ACOT7: variants seen among roughly 807,000 people sequenced by gnomAD.
ACOT7 encodes the protein cytosolic acyl coenzyme A thioester hydrolase.
ACOT7 carries 12 observed loss-of-function variants against 40.2 expected under a neutral mutation model. The ratio of observed to expected loss-of-function variants is 0.30; its 90% CI spans 0.19 to 0.48. The LOEUF is 0.48. Among genes scored for constraint, ACOT7 ranks in the 20% least tolerant of loss-of-function variants. The probability of loss-of-function intolerance (pLI) is 0.99; values close to 1 mark genes in which losing one functional copy is unlikely to be tolerated. For synonymous variants in ACOT7, 228 were observed against 219.5 expected (o/e 1.04, Z -0.34); for missense variants, 395 against 530.8 (o/e 0.74, Z 2.51).
chr1:6,295,184 AC>A, intron 6 of ACOT7: 1 of 497,780 alleles, frequency 2.0e-6, no homozygotes, highest in South Asian at 2.6e-5. Context: ...GAAAAAAACG[AC>A]CATGGCTGAT....
chr1:6,341,901 G>T (rs1237866799), intron 2 of ACOT7, among the ~76,000 whole-genome samples: 2 of 152,216 alleles, frequency 1.3e-5, no homozygotes, highest in Non-Finnish European at 2.9e-5. Flanking sequence ...GGTCCCATGT[G>T]TCAGATCGGA....
Position 6,327,200 on chromosome 1 carries a change from G to A in ACOT7, c.625+99C>T, listed in dbSNP as rs1369153059. The A allele has an allele frequency of 4.8e-5, 58 of 1,213,784 alleles. No homozygotes were observed. The African/African-American group carries it at 8.0e-4, about 17-fold the overall frequency. The allele number at this position is 1,213,784 out of a possible 1,614,324, so 75.2% of individuals were successfully genotyped here. Reference sequence around the variant, plus strand: ...CCGGAGAGCATGCTCAGCACCTGGGGAACCTCAAGCATGAGGCTCACGTAG... The same window carrying A: ...CCGGAGAGCATGCTCAGCACCTGGGAAACCTCAAGCATGAGGCTCACGTAG... On this transcript the variant is annotated intron_variant, in intron 5 of 8. Coordinates refer to ENST00000361521, the MANE Select transcript of ACOT7 (RefSeq NM_007274.4).
At chr1:6,280,053 C>A (rs57590304) in intron 8 of ACOT7, among the ~76,000 whole-genome samples, 1 of 152,112 alleles carries the variant, frequency 6.6e-6, no homozygotes, top group African/African-American at 2.4e-5. Flanking sequence ...GAGCAGACGC[C>A]GCGGGGGCAG....
rs188468363 is a variant in ACOT7, at chr1:6,277,938, C to T, written c.1014+3164G>A. ...TGGTGGGCACCGTGTCCATCACCACCGTACAGATGAGGAAACCGAGGCACA... is the reference window on the plus strand; with the variant it reads ...TGGTGGGCACCGTGTCCATCACCACTGTACAGATGAGGAAACCGAGGCACA... On this transcript the variant is annotated intron_variant, in intron 8 of 8. Coordinates refer to ENST00000361521, the MANE Select transcript of ACOT7 (RefSeq NM_007274.4). Among the ~76,000 whole-genome samples the T allele has an allele frequency of 4.3e-4, 66 of 152,286 alleles. 1 individual carries two copies. The East Asian group carries it at 6.0e-3, about 14-fold the overall frequency.
Position 6,282,794 on chromosome 1 carries a change from G to A in ACOT7, c.830-1508C>T, listed in dbSNP as rs1365540078. 1 of 1,304,172 alleles carries A rather than the reference G, an allele frequency of 7.7e-7. No individual in the cohort carries two copies. Among genetic ancestry groups the A allele is most frequent in the Non-Finnish European group, 1.0e-6 (1 of 988,974 alleles). The allele number at this position is 1,304,172 out of a possible 1,614,324, so 80.8% of individuals were successfully genotyped here. On this transcript the variant is annotated intron_variant, in intron 7 of 8. Transcript: ENST00000361521. The surrounding 1 kb of genome is among the most constrained non-coding windows in gnomAD (Gnocchi z 4.5). Reference sequence around the variant, plus strand: ...TGGTCAGCGCCAGCAGGCATTACGTGAGCTGTAAGGTACAGAGTCCCATGC... The same window carrying A: ...TGGTCAGCGCCAGCAGGCATTACGTAAGCTGTAAGGTACAGAGTCCCATGC...
chr1:6,350,746 G>A (rs1404032280), intron 1 of ACOT7, among the ~76,000 whole-genome samples: 1 of 152,260 alleles, frequency 6.6e-6, no homozygotes, highest in Non-Finnish European at 1.5e-5. Flanking sequence ...TTGCTGGACA[G>A]TGTGGGGGCC....
At chr1:6,297,507 G>A (rs1639842009) in intron 6 of ACOT7, among the ~76,000 whole-genome samples, 1 of 152,210 alleles carries the variant, frequency 6.6e-6, no homozygotes, top group Non-Finnish European at 1.5e-5. Flanking sequence ...CCGAGCAGAG[G>A]CCAGCCAGGG....
intron 6 of ACOT7, among the ~76,000 whole-genome samples, chr1:6,305,078 C>A (rs1382719983): frequency 1.4e-5 from 2 of 146,608 alleles, no homozygotes; most frequent in Admixed American, 6.7e-5. Context: ...GGGGGCTGAC[C>A]CCCCCACATC....
chr1:6,357,046 T>C (rs1292105015), intron 1 of ACOT7, among the ~76,000 whole-genome samples: 1 of 151,944 alleles, frequency 6.6e-6, no homozygotes, highest in Non-Finnish European at 1.5e-5. Context: ...GAGACCAACC[T>C]GACCAACATG....
At chr1:6,336,040 C>T (rs944318164) in intron 3 of ACOT7, among the ~76,000 whole-genome samples, 3 of 152,100 alleles carry the variant, frequency 2.0e-5, no homozygotes, top group African/African-American at 4.8e-5. Flanking sequence ...CAAAAGACAA[C>T]GGCAGTATTA....
At chr1:6,385,304 A>G (rs1642416322) in intron 1 of ACOT7, among the ~76,000 whole-genome samples, 1 of 144,966 alleles carries the variant, frequency 6.9e-6, no homozygotes, top group Non-Finnish European at 1.5e-5. Flanking sequence ...GGGGAAGAAC[A>G]TGCCAGGTCT....
chr1:6,340,601 G>T (rs1266602597), intron 2 of ACOT7, among the ~76,000 whole-genome samples: 1 of 152,128 alleles, frequency 6.6e-6, no homozygotes, highest in Non-Finnish European at 1.5e-5. Flanking sequence ...TGTCTCACTT[G>T]TTCGTCTGCC....
intron 3 of ACOT7, among the ~76,000 whole-genome samples, chr1:6,333,991 G>A (rs1330121903): frequency 6.6e-6 from 1 of 152,220 alleles, no homozygotes; most frequent in Non-Finnish European, 1.5e-5. Context: ...GAGCTGGTCA[G>A]CCACAACACC....
intron 6 of ACOT7, among the ~76,000 whole-genome samples, chr1:6,317,890 C>A (rs1161297473): frequency 6.6e-6 from 1 of 152,060 alleles, no homozygotes; most frequent in Non-Finnish European, 1.5e-5. Flanking sequence ...TGCCACCACA[C>A]CTGGCTAATT....
chr1:6,281,350 G>A lies in ACOT7; in HGVS notation c.830-64C>T. On this transcript the variant is annotated intron_variant, in intron 7 of 8. Coordinates refer to ENST00000361521, the MANE Select transcript of ACOT7 (RefSeq NM_007274.4). The stretch of plus-strand genomic sequence containing the variant: ...CCCCACGGCTGGGCGGGGGACACTG[G>A]CGTTTCTGTGGTCAGCAGGCAGACA... The A allele has an allele frequency of 2.7e-6, 4 of 1,481,302 alleles. No individual in the cohort carries two copies. The South Asian group carries it at 4.6e-5, about 17-fold the overall frequency. The allele number at this position is 1,481,302 out of a possible 1,614,324, so 91.8% of individuals were successfully genotyped here.
chr1:6,334,188 C>T (rs971501838), intron 3 of ACOT7, among the ~76,000 whole-genome samples: 6 of 152,246 alleles, frequency 3.9e-5, no homozygotes, highest in African/African-American at 1.2e-4. Flanking sequence ...GCTGAGCCCG[C>T]TTCACCTGCT....
chr1:6,313,806 T>G (rs1318365551), intron 6 of ACOT7, among the ~76,000 whole-genome samples: 1 of 147,016 alleles, frequency 6.8e-6, no homozygotes, highest in African/African-American at 2.7e-5. Context: ...GCTGCATTGT[T>G]AGTTCAAAAA....
intron 1 of ACOT7, 132 bp from the exon 2 acceptor site, chr1:6,349,998 T>G: frequency 1.1e-6 from 1 of 877,772 alleles, no homozygotes; most frequent in Non-Finnish European, 1.8e-6. Context: ...TCCCAATGTT[T>G]GGGCTCTTCC....
At chr1:6,276,215 T>C (rs1353429087) in intron 8 of ACOT7, among the ~76,000 whole-genome samples, 2 of 152,158 alleles carry the variant, frequency 1.3e-5, no homozygotes, top group African/African-American at 4.8e-5. Context: ...AGCCCCCACC[T>C]GAGGTGCCAG....
Sources: allele counts gnomAD v4.1 joint callset (sites outside exome capture counted in the v4.1 genomes callset), GRCh38; gene constraint gnomAD v4.1.1; non-coding constraint Gnocchi (gnomAD v3.1); transcripts MANE v1.5; gene names NCBI Gene and HGNC (gene_info 2026-07-23, HGNC 2026-07-21).